Variants in REV3L observed in about 807,000 individuals in gnomAD.
REV3L encodes the protein REV3 like, DNA directed polymerase zeta catalytic subunit.
A neutral mutation model predicts 299.4 loss-of-function variants in REV3L; 69 were observed. That is an observed-to-expected ratio of 0.23 (90% CI 0.19 to 0.28). REV3L has a LOEUF of 0.28. Ranked by LOEUF, REV3L falls within the 10% of genes least tolerant of loss-of-function variation. REV3L has a pLI of 1.00. For missense variants in REV3L, 3,128 were observed against 3,693.8 expected (o/e 0.85, Z 3.97); for synonymous variants, 1,238 against 1,271.4 (o/e 0.97, Z 0.56).
chr6:111,360,668 G>T (rs1242542545), intron 16 of REV3L: 1 of 151,508 alleles, frequency 6.6e-6, no homozygotes, highest in East Asian at 1.9e-4. Flanking sequence ...GTAGAGATGG[G>T]GCCTCACTAT....
chr6:111,425,284 G>A (rs565680499), intron 1 of REV3L, among the ~76,000 whole-genome samples: 16 of 151,942 alleles, frequency 1.1e-4, no homozygotes, highest in South Asian at 6.2e-4. Flanking sequence ...TGGAAACCCC[G>A]TCTCTACTAA....
intron 18 of REV3L, among the ~76,000 whole-genome samples, chr6:111,355,317 T>G (rs1057020241): frequency 3.3e-5 from 5 of 152,164 alleles, no homozygotes; most frequent in Admixed American, 3.3e-4. Context: ...GTGTATTATC[T>G]ACCCATTTTA....
At chr6:111,334,488 T>TA (rs950574509) in intron 22 of REV3L, among the ~76,000 whole-genome samples, 18 of 150,466 alleles carry the variant, frequency 1.2e-4, no homozygotes, top group Admixed American at 8.6e-4. Context: ...AATTAAAAAA[T>TA]AAAAAAAAAG....
chr6:111,313,365 G>A lies in REV3L; in HGVS notation c.8591C>T (p.Pro2864Leu), dbSNP rs199646165. 7.5e-5 allele frequency: 121 copies of A among 1,610,142 alleles called. 1 individual carries two copies. In the East Asian group the frequency reaches 2.7e-3, roughly 36 times the overall value. The change falls in exon 28 of 32, where the codon CCT (proline) becomes CTT (leucine). Residue 2864 changes from proline (P) to leucine (L), a missense_variant. Physicochemically the swap from Pro to Leu is moderately conservative, Grantham distance 98. Transcript: ENST00000368802. ...GIETVRRDSC[P>L]AVSKILERSL... Reference sequence around the variant, plus strand: ...GATAAACCTTACCTTAGAAACAGCAGGGCAGGAATCTCTTCTGACTGTTTC... The same window carrying A: ...GATAAACCTTACCTTAGAAACAGCAAGGCAGGAATCTCTTCTGACTGTTTC...
At position 111,482,901 on chromosome 6, in the gene REV3L, C is replaced by G. The variant is rs760304326; in HGVS notation, c.-13G>C. 6.6e-7 allele frequency: 1 copy of G among 1,512,226 alleles called. No individual in the cohort carries two copies. The highest frequency in any genetic ancestry group is 8.8e-7 in the Non-Finnish European group (1 of 1,140,174). 93.7% of individuals were successfully genotyped at this position (1,512,226 alleles called of 1,614,324 possible). On this transcript the variant is annotated 5_prime_UTR_variant, in exon 1 of 32. Coordinates refer to ENST00000368802, the MANE Select transcript of REV3L (RefSeq NM_001372078.1). ...TTACTGAAAACATGTTCGCCGCCGC[C>G]GCCACTGCCTCCCTTCACTGGCGAC...
At chr6:111,356,310 C>T (rs956960473) in intron 18 of REV3L, among the ~76,000 whole-genome samples, 13 of 152,024 alleles carry the variant, frequency 8.6e-5, no homozygotes, top group Non-Finnish European at 1.9e-4. Flanking sequence ...ATAAGAGAGT[C>T]CATGGCTACC....
At chr6:111,482,691 A>C in intron 1 of REV3L, 59 bp downstream of exon 1, 1 of 1,073,338 alleles carries the variant, frequency 9.3e-7, no homozygotes. Flanking sequence ...CGCGGCGGGG[A>C]GGGCGGCCCC....
At chr6:111,318,798 G>A (rs1449778596) in intron 26 of REV3L, among the ~76,000 whole-genome samples, 4 of 151,840 alleles carry the variant, frequency 2.6e-5, no homozygotes, top group Admixed American at 1.3e-4. Context: ...TCGAACTCCC[G>A]ACCTCAGGTG....
chr6:111,404,511 G>A (rs1434216451), intron 4 of REV3L, among the ~76,000 whole-genome samples: 1 of 152,142 alleles, frequency 6.6e-6, no homozygotes. Flanking sequence ...ATTTCATAAG[G>A]CTATAGCTGT....
At chr6:111,351,026 T>A (rs976529591) in intron 19 of REV3L, among the ~76,000 whole-genome samples, 1 of 152,188 alleles carries the variant, frequency 6.6e-6, no homozygotes, top group Non-Finnish European at 1.5e-5. Flanking sequence ...AAAAATCCTA[T>A]GTTTATAAAG....
intron 4 of REV3L, among the ~76,000 whole-genome samples, chr6:111,399,902 A>ACATC (rs1213030399): frequency 6.6e-6 from 1 of 152,180 alleles, no homozygotes; most frequent in Non-Finnish European, 1.5e-5. Context: ...GTTCCCCTGT[A>ACATC]CATCCCCTTT....
chr6:111,469,635 C>G (rs1791942930), intron 1 of REV3L, among the ~76,000 whole-genome samples: 1 of 152,238 alleles, frequency 6.6e-6, no homozygotes, highest in Admixed American at 6.5e-5. Flanking sequence ...AACCCTACTA[C>G]TGCCTCCAGG....
Position 111,309,839 on chromosome 6 carries a change from TTTG to T in REV3L, c.9042+11_9042+13del. On this transcript the variant is annotated intron_variant, in intron 30 of 31. Coordinates refer to ENST00000368802, the MANE Select transcript of REV3L (RefSeq NM_001372078.1). ...CTCCATAGTTAGAGCACATGTACTA[TTTG>T]GTAAGCTTACCCTTGGTAATTCATG... 2.5e-6 allele frequency: 4 copies of T among 1,611,424 alleles called. No homozygotes were observed. In the Middle Eastern group the frequency reaches 5.0e-4, roughly 200 times the overall value.
chr6:111,474,918 T>G (rs1235167263), intron 1 of REV3L, among the ~76,000 whole-genome samples: 2 of 151,714 alleles, frequency 1.3e-5, no homozygotes, highest in African/African-American at 4.8e-5. Context: ...TTCTACACAC[T>G]GGAGCAATTA....
At chr6:111,464,545 A>G (rs1006282026) in intron 1 of REV3L, among the ~76,000 whole-genome samples, 1 of 152,238 alleles carries the variant, frequency 6.6e-6, no homozygotes, top group African/African-American at 2.4e-5. Context: ...TCTCAACAAC[A>G]TACATATAGG....
Position 111,375,465 on chromosome 6 carries a change from G to A in REV3L, c.2890C>T (p.Arg964Ter), listed in dbSNP as rs887183686. The A allele has an allele frequency of 1.9e-6, 3 of 1,601,442 alleles. No homozygotes were observed. Among genetic ancestry groups the A allele is most frequent in the Non-Finnish European group, 1.7e-6 (2 of 1,176,858 alleles). The change falls in exon 13 of 32, where the codon CGA (arginine) becomes TGA (stop). Residue 964 changes from arginine (R) to a stop codon, truncating the protein, a stop_gained. Transcript: ENST00000368802. LOFTEE classifies it high-confidence loss of function. ...GGCAGCTTTTTAGACATTTTTCTTC[G>A]TTTTCGGGATTTGAGAGTTCCATCT... ...SLDGTLKSRK[R>*]RKMSKKLPPV...
chr6:111,363,445 A>G (rs556121399), intron 16 of REV3L, among the ~76,000 whole-genome samples: 1 of 152,130 alleles, frequency 6.6e-6, no homozygotes, highest in East Asian at 1.9e-4. Context: ...AGCTGAGACT[A>G]TAGGTGCGCG....
In REV3L at chr6:111,474,857, C is replaced by T. The variant is rs377205353; in HGVS notation, c.139+7893G>A. Among the ~76,000 whole-genome samples, 30 of 151,918 alleles carry T rather than the reference C, an allele frequency of 2.0e-4. No homozygotes were observed. In the South Asian group the frequency reaches 6.0e-3, roughly 30 times the overall value. ...ATGATTTTAAAATACTGAAAAATTA[C>T]CAAACAGTATACTTTAAAAGTTAGT... On this transcript the variant is annotated intron_variant, in intron 1 of 31. Transcript: ENST00000368802.
intron 25 of REV3L, 61 bp downstream of exon 25, chr6:111,329,471 G>T: frequency 1.4e-6 from 2 of 1,474,636 alleles, no homozygotes; most frequent in African/African-American, 1.4e-5. Flanking sequence ...ACAGGTGAGT[G>T]CCACCGTGCC....
Sources: gnomAD v4.1 joint callset for allele counts (sites outside exome capture counted in the v4.1 genomes callset) on GRCh38, gnomAD v4.1.1 for gene constraint, MANE v1.5 for transcripts, NCBI Gene and HGNC (gene_info 2026-07-23, HGNC 2026-07-21) for gene names.